Variants in ABCB7 observed in about 807,000 individuals in gnomAD.
ABCB7 encodes ATP binding cassette subfamily B member 7, also known as iron-sulfur clusters transporter ABCB7, mitochondrial.
Under a neutral mutation model 54.4 loss-of-function variants are expected in ABCB7, and 7 were observed. The ratio of observed to expected loss-of-function variants is 0.13; its 90% CI spans 0.07 to 0.24. The LOEUF (loss-of-function observed/expected upper bound fraction) is 0.24, where lower values mean the gene tolerates loss of function less well. ABCB7 is among the 10% of genes least tolerant of loss of function. ABCB7 has a pLI of 1.00. For missense variants in ABCB7, 356 were observed against 570.4 expected, an observed-to-expected ratio of 0.62 and a Z score of 3.83; for synonymous variants, 218 against 207.1, an observed-to-expected ratio of 1.05 and a Z score of -0.45.
chrX:75,101,937 T>C (rs1325463202), intron 3 of ABCB7, among the ~76,000 whole-genome samples: 1 of 111,984 alleles, frequency 8.9e-6, no homozygotes, highest in Non-Finnish European at 1.9e-5. Context: ...TATGAGTCCA[T>C]TAAGCTGTAA....
intron 12 of ABCB7, 78 bp from the exon 13 acceptor site, chrX:75,065,319 A>G (rs1429494587): frequency 2.1e-6 from 2 of 952,343 alleles, no homozygotes; most frequent in Non-Finnish European, 1.4e-6. Context: ...TAAAAATTCA[A>G]ATAGTAAAGA....
rs1275849789 is a variant in ABCB7, at chrX:75,130,798, G to A, written c.169-15967C>T. On this transcript the variant is annotated intron_variant, in intron 1 of 15. Transcript: ENST00000373394. The stretch of plus-strand genomic sequence containing the variant: ...AGATACAAGGGAGAATCAGTACCTT[G>A]AAAAGAGAATGGAAATATTAGGTAT... Among the ~76,000 whole-genome samples the A allele has an allele frequency of 5.4e-5, 6 of 111,133 alleles. No homozygotes were observed. In the Admixed American group the frequency reaches 5.8e-4, roughly 11 times the overall value.
chrX:75,134,689 AG>A (rs762152787), intron 1 of ABCB7, among the ~76,000 whole-genome samples: 21 of 112,231 alleles, frequency 1.9e-4, no homozygotes, highest in Admixed American at 1.9e-4. Context: ...ATACTATAAA[AG>A]TACATGGAAA....
At chrX:75,129,569 C>T (rs900453549) in intron 1 of ABCB7, among the ~76,000 whole-genome samples, 4 of 107,648 alleles carry the variant, frequency 3.7e-5, no homozygotes, top group East Asian at 5.8e-4. Context: ...ACGTTCTGCA[C>T]GTGTATCCCA....
intron 3 of ABCB7, among the ~76,000 whole-genome samples, chrX:75,108,062 A>C (rs1381654550): frequency 2.7e-5 from 3 of 111,258 alleles, no homozygotes; most frequent in African/African-American, 9.8e-5. Flanking sequence ...GTAGTCTGGC[A>C]GTACTCCCCG....
At chrX:75,058,693 C>T (rs2081260384) in intron 15 of ABCB7, among the ~76,000 whole-genome samples, 1 of 111,391 alleles carries the variant, frequency 9.0e-6, no homozygotes, top group Non-Finnish European at 1.9e-5. Flanking sequence ...ACCCAAAACC[C>T]AAGTGGCAAT....
chrX:75,053,093 C>T lies in ABCB7; in HGVS notation c.*277G>A. Reference sequence around the variant, plus strand: ...ATCTGGCTATAGATCAAATGAATGTCAGGCCTCAAGAGGGTAATGTGGTAA... The same window carrying T: ...ATCTGGCTATAGATCAAATGAATGTTAGGCCTCAAGAGGGTAATGTGGTAA... On this transcript the variant is annotated 3_prime_UTR_variant, in exon 16 of 16. Coordinates refer to ENST00000373394, the MANE Select transcript of ABCB7 (RefSeq NM_001271696.3). The T allele has an allele frequency of 3.0e-6, 1 of 332,146 alleles. No individual in the cohort carries two copies. Among genetic ancestry groups the T allele is most frequent in the Non-Finnish European group, 5.2e-6 (1 of 191,566 alleles). The allele number at this position is 332,146 out of a possible 1,213,427, so 27.4% of individuals were successfully genotyped here.
At chrX:75,075,169 A>G (rs780837568) in intron 6 of ABCB7, among the ~76,000 whole-genome samples, 193 bp downstream of exon 6, 1 of 112,015 alleles carries the variant, frequency 8.9e-6, no homozygotes, top group Non-Finnish European at 1.9e-5. Flanking sequence ...GTTATTTACA[A>G]TAACAACACG....
chrX:75,075,179 G>A (rs745566201), intron 6 of ABCB7, among the ~76,000 whole-genome samples, 183 bp downstream of exon 6: 6 of 111,562 alleles, frequency 5.4e-5, no homozygotes, highest in African/African-American at 6.5e-5. Flanking sequence ...ATAACAACAC[G>A]ATAAAGAATT....
At chrX:75,123,531 T>TA (rs2081898617) in intron 1 of ABCB7, among the ~76,000 whole-genome samples, 1 of 112,223 alleles carries the variant, frequency 8.9e-6, no homozygotes, top group Admixed American at 9.5e-5. Context: ...ATGTTAATGT[T>TA]ATGACTTTTT....
intron 4 of ABCB7, 71 bp downstream of exon 4, chrX:75,098,871 G>A: frequency 8.4e-7 from 1 of 1,188,561 alleles, no homozygotes; most frequent in Non-Finnish European, 1.1e-6. Flanking sequence ...ATTTACACCA[G>A]GCCCAGGATT....
In ABCB7 at chrX:75,071,687, C is replaced by G. The variant is rs779385966; in HGVS notation, c.1033-4G>C. The G allele has an allele frequency of 1.3e-5, 14 of 1,099,231 alleles. No homozygotes were observed. Among genetic ancestry groups the G allele is most frequent in the Admixed American group, 4.7e-5 (2 of 42,328 alleles). The allele number at this position is 1,099,231 out of a possible 1,213,427, so 90.6% of individuals were successfully genotyped here. A position where few individuals can be genotyped will look rare whatever the true frequency, so the allele number is the denominator to read the frequency against. ...CATATCTTTCATTATTAAAATACTA[C>G]AAAATATATAAAAATAACTATAGGC... On this transcript the variant is annotated splice_polypyrimidine_tract_variant and splice_region_variant and intron_variant, in intron 8 of 15. Transcript: ENST00000373394.
At chrX:75,132,632 T>C (rs1394016260) in intron 1 of ABCB7, among the ~76,000 whole-genome samples, 1 of 112,269 alleles carries the variant, frequency 8.9e-6, no homozygotes, top group Admixed American at 9.4e-5. Flanking sequence ...TGGCTGTAAA[T>C]GCAAGGAAAT....
chrX:75,072,640 G>T (rs1403856555), intron 8 of ABCB7, among the ~76,000 whole-genome samples: 1 of 111,412 alleles, frequency 9.0e-6, no homozygotes, highest in Non-Finnish European at 1.9e-5. Context: ...ATGGCTCTAG[G>T]TGAGTCAGTG....
At chrX:75,103,703 T>C (rs2081658311) in intron 3 of ABCB7, among the ~76,000 whole-genome samples, 1 of 110,357 alleles carries the variant, frequency 9.1e-6, no homozygotes, top group Non-Finnish European at 1.9e-5. Flanking sequence ...TGGTTAGATT[T>C]AATCCTGAGT....
rs757074347 is a variant in ABCB7, at chrX:75,104,047, G to GTTTTTTTTTTTTTTTTTTTT, written c.334-5006_334-4987dup. Among the ~76,000 whole-genome samples the GTTTTTTTTTTTTTTTTTTTT allele has an allele frequency of 2.3e-3, 31 of 13,440 alleles. 10 individuals carry two copies. The highest frequency in any genetic ancestry group is 0.022 in the East Asian group (3 of 139). The allele number at this position is 13,440 out of a possible 115,157, so 11.7% of individuals were successfully genotyped here. On this transcript the variant is annotated intron_variant, in intron 3 of 15. Transcript: ENST00000373394. ...AAATGGGCATCCCTGTCTTGTTACA[G>GTTTTTTTTTTTTTTTTTTTT]TTTTTTTTTTTTTTTTTTTTTTTTT... is the stretch of plus-strand genomic sequence containing the variant.
intron 4 of ABCB7, among the ~76,000 whole-genome samples, chrX:75,084,851 C>T (rs1469414067): frequency 9.0e-6 from 1 of 111,680 alleles, no homozygotes; most frequent in African/African-American, 3.3e-5. Flanking sequence ...GGAAGATATA[C>T]AAATGTAAAC....
At chrX:75,149,794 C>T (rs867622803) in intron 1 of ABCB7, among the ~76,000 whole-genome samples, 2 of 110,774 alleles carry the variant, frequency 1.8e-5, no homozygotes, top group African/African-American at 6.6e-5. Context: ...TTTCAGGGAA[C>T]GGACTGACCT....
At position 75,071,543 on chromosome X, in the gene ABCB7, A is replaced by G; in HGVS notation, c.1173T>C (p.Ala391=). ...QSAIFSVGLT[A]IMVLASQGIV... ...TTCCCTGACTGGCGAGCACCATTAT[A>G]GCTGTTAAACCGACACTGAAAATAG... is the stretch of plus-strand genomic sequence containing the variant. The change falls in exon 9 of 16, where the codon GCT becomes GCC. Residue 391 remains alanine, a synonymous_variant. Transcript: ENST00000373394. The G allele has an allele frequency of 8.3e-7, 1 of 1,211,570 alleles. No individual in the cohort carries two copies. The highest frequency in any genetic ancestry group is 1.1e-6 in the Non-Finnish European group (1 of 895,403).
Sources: allele counts gnomAD v4.1 joint callset (sites outside exome capture counted in the v4.1 genomes callset), GRCh38; gene constraint gnomAD v4.1.1; transcripts MANE v1.5; gene names NCBI Gene and HGNC (gene_info 2026-07-23, HGNC 2026-07-21).